HEPH: variants seen among roughly 807,000 people sequenced by gnomAD.
HEPH encodes hephaestin.
HEPH carries 69 observed loss-of-function variants against 80.8 expected under a neutral mutation model. That is an observed-to-expected ratio of 0.85 (90% CI 0.70 to 1.04). HEPH has a LOEUF of 1.04. HEPH is among the 50% of genes least tolerant of loss of function. HEPH has a pLI of 0.00. For missense variants in HEPH, 1,115 were observed against 891.3 expected, an observed-to-expected ratio of 1.25 and a Z score of -3.20; for synonymous variants, 431 against 322.8, an observed-to-expected ratio of 1.34 and a Z score of -3.60.
At chrX:66,251,804 A>C (rs978699628) in intron 15 of HEPH, among the ~76,000 whole-genome samples, 13 of 111,980 alleles carry the variant, frequency 1.2e-4, no homozygotes, top group Non-Finnish European at 3.8e-5. Flanking sequence ...ACTGAGAATG[A>C]TGAAGAATAA....
intron 15 of HEPH, among the ~76,000 whole-genome samples, chrX:66,225,203 A>G (rs2089827119): frequency 9.0e-6 from 1 of 111,516 alleles, no homozygotes; most frequent in African/African-American, 3.3e-5. Flanking sequence ...TTCCTGGTGT[A>G]ATAGTACTCC....
chrX:66,227,519 A>G (rs2089942605), intron 15 of HEPH, among the ~76,000 whole-genome samples: 1 of 111,967 alleles, frequency 8.9e-6, no homozygotes, highest in Non-Finnish European at 1.9e-5. Context: ...GTATACCTAC[A>G]AAACCCTAAA....
In HEPH at chrX:66,260,127, G is replaced by T. The variant is rs926548163; in HGVS notation, c.3064G>T (p.Val1022Leu). 13 of 1,206,624 alleles carry T rather than the reference G, an allele frequency of 1.1e-5. No individual in the cohort carries two copies. Among genetic ancestry groups the T allele is most frequent in the Non-Finnish European group, 1.5e-5 (13 of 893,524 alleles). ...RNGENYRADVVDLFPGTFEVV... is the reference protein window; with the variant it reads ...RNGENYRADVLDLFPGTFEVV... ...TGGCGAGAACTACCGGGCAGATGTG[G>T]TGGATCTGTTCCCAGGGACTTTTGA... Residue 1022 changes from valine (V) to leucine (L), a missense_variant, in exon 19 of 21, where the codon GTG becomes TTG. By Grantham distance (32) the Val-to-Leu change is conservative. Coordinates refer to ENST00000343002, the MANE Select transcript of HEPH (RefSeq NM_001367233.3).
chrX:66,200,051 T>G (rs1490795570), intron 11 of HEPH, among the ~76,000 whole-genome samples: 1 of 108,519 alleles, frequency 9.2e-6, no homozygotes, highest in Non-Finnish European at 1.9e-5. Context: ...GCAGTAGCAG[T>G]GAAGATGAAG....
chrX:66,188,639 T>A (rs1036142959), intron 5 of HEPH, 98 bp downstream of exon 5: 2 of 708,609 alleles, frequency 2.8e-6, no homozygotes, highest in Non-Finnish European at 4.2e-6. Context: ...TACATAGTCC[T>A]TTTTAGTCAT....
At chrX:66,181,875 T>C (rs1311452345) in intron 4 of HEPH, among the ~76,000 whole-genome samples, 2 of 105,100 alleles carry the variant, frequency 1.9e-5, no homozygotes, top group Non-Finnish European at 3.9e-5. Flanking sequence ...TTGATTTTTG[T>C]ATAAGGTGTA....
In HEPH at chrX:66,231,837, G is replaced by A. The variant is rs2090158472; in HGVS notation, c.2564-23198G>A. On this transcript the variant is annotated intron_variant, in intron 15 of 20. Transcript: ENST00000343002. ...ATGTTGAATAGGAGTGGTGAGAGAG[G>A]GCATCCCTGTCTTGTGCCAGTTTTC... 5.6e-5 allele frequency among the ~76,000 whole-genome samples: 6 copies of A among 107,167 alleles called. No homozygotes were observed. In the South Asian group the frequency reaches 2.1e-3, roughly 37 times the overall value. 93.1% of individuals were successfully genotyped at this position (107,167 alleles called of 115,157 possible). A position where few individuals can be genotyped will look rare whatever the true frequency, so the allele number is the denominator to read the frequency against.
Position 66,166,447 on chromosome X carries a change from G to A in HEPH, c.-14+1977G>A, listed in dbSNP as rs180695780. On this transcript the variant is annotated intron_variant, in intron 1 of 20. Coordinates refer to ENST00000343002, the MANE Select transcript of HEPH (RefSeq NM_001367233.3). The stretch of plus-strand genomic sequence containing the variant: ...CGATCTCAGGTGATCCACCCACCTC[G>A]GCCTCCCAAAGTGCTGGCATTACAG... 5.9e-3 allele frequency among the ~76,000 whole-genome samples: 660 copies of A among 111,657 alleles called. 4 individuals are homozygous for A. Among genetic ancestry groups the A allele is most frequent in the Middle Eastern group, 0.014 (3 of 219 alleles).
chrX:66,199,965 GGACA>G (rs1034119102), intron 11 of HEPH, among the ~76,000 whole-genome samples: 1 of 108,597 alleles, frequency 9.2e-6, no homozygotes, highest in Non-Finnish European at 1.9e-5. Context: ...GAGGATGGGA[GGACA>G]GACTGCAGGT....
At chrX:66,220,133 G>A (rs2089578710) in intron 15 of HEPH, among the ~76,000 whole-genome samples, 1 of 110,942 alleles carries the variant, frequency 9.0e-6, no homozygotes, top group Non-Finnish European at 1.9e-5. Context: ...TCAGGAACTG[G>A]GTCTGTAGGT....
At chrX:66,260,660 G>A (rs971435108) in intron 19 of HEPH, among the ~76,000 whole-genome samples, 8 of 112,197 alleles carry the variant, frequency 7.1e-5, no homozygotes, top group African/African-American at 2.6e-4. Context: ...ATTATTTCAA[G>A]GAATATTGCT....
At chrX:66,254,538 G>A (rs770173434) in intron 15 of HEPH, among the ~76,000 whole-genome samples, 35 of 110,725 alleles carry the variant, frequency 3.2e-4, no homozygotes, top group African/African-American at 1.1e-3. Flanking sequence ...TGGAGTTGGA[G>A]CTTAGTAACA....
chrX:66,189,266 T>G (rs1403453137), intron 5 of HEPH, among the ~76,000 whole-genome samples: 1 of 112,399 alleles, frequency 8.9e-6, no homozygotes, highest in Non-Finnish European at 1.9e-5. Flanking sequence ...TACCAATTGA[T>G]TATAAAAGCC....
At chrX:66,246,101 T>A (rs2090795090) in intron 15 of HEPH, among the ~76,000 whole-genome samples, 1 of 111,593 alleles carries the variant, frequency 9.0e-6, no homozygotes, top group Non-Finnish European at 1.9e-5. Context: ...GACTGCTGGG[T>A]TGGAAGCTCT....
intron 15 of HEPH, among the ~76,000 whole-genome samples, chrX:66,249,831 C>A (rs775030895): frequency 9.0e-6 from 1 of 111,661 alleles, no homozygotes; most frequent in Admixed American, 9.5e-5. Context: ...TAAGTGGATT[C>A]TGATGCTGCT....
chrX:66,217,909 C>A (rs1367825791), intron 15 of HEPH, among the ~76,000 whole-genome samples: 3 of 111,449 alleles, frequency 2.7e-5, no homozygotes, highest in Non-Finnish European at 5.7e-5. Flanking sequence ...ACAAAACAAA[C>A]TTTAAAGCAA....
At chrX:66,234,722 C>T (rs1423701958) in intron 15 of HEPH, among the ~76,000 whole-genome samples, 4 of 110,838 alleles carry the variant, frequency 3.6e-5, no homozygotes, top group African/African-American at 1.3e-4. Flanking sequence ...CTGCAACCTC[C>T]GCCTCCTGGG....
chrX:66,188,308 C>T (rs1299819853), intron 4 of HEPH, 51 bp from the exon 5 acceptor site: 1 of 982,104 alleles, frequency 1.0e-6, no homozygotes, highest in East Asian at 3.4e-5. Flanking sequence ...TTTCAGCTTA[C>T]TATTGCTAAG....
chrX:66,213,201 C>G (rs1393922519), intron 15 of HEPH, among the ~76,000 whole-genome samples: 3 of 104,188 alleles, frequency 2.9e-5, no homozygotes, highest in African/African-American at 1.0e-4. Context: ...CACCCCACAA[C>G]AGTCCCCAGA....
Sources: allele counts gnomAD v4.1 joint callset (sites outside exome capture counted in the v4.1 genomes callset), GRCh38; gene constraint gnomAD v4.1.1; transcripts MANE v1.5; gene names NCBI Gene and HGNC (gene_info 2026-07-23, HGNC 2026-07-21).